The following PHF24 variants were observed in gnomAD, a reference collection of about 807,000 sequenced individuals.
PHF24 encodes PHD finger protein 24.
PHF24 carries 25 observed loss-of-function variants against 42.6 expected under a neutral mutation model. The ratio of observed to expected loss-of-function variants is 0.59; its 90% confidence interval spans 0.43 to 0.82. The LOEUF is 0.82. PHF24 is among the 40% of genes least tolerant of loss of function. PHF24 has a pLI of 0.00. For missense variants in PHF24, 470 were observed against 538.1 expected (o/e 0.87, Z 1.25); for synonymous variants, 185 against 204.8 (o/e 0.90, Z 0.83).
the PHF24 span, among the ~76,000 whole-genome samples, chr9:34,781,830 C>G: frequency 6.6e-6 from 1 of 152,280 alleles, no homozygotes; most frequent in East Asian, 1.9e-4. Flanking sequence ...GTGAATTCCA[C>G]TCTTGCAATC....
the PHF24 span, among the ~76,000 whole-genome samples, chr9:34,933,242 C>G: frequency 6.6e-6 from 1 of 152,080 alleles, no homozygotes; most frequent in Non-Finnish European, 1.5e-5. Context: ...CATCTTTATT[C>G]AAAGTCAGAA....
At chr9:34,918,038 T>A in the PHF24 span, 1 of 1,298,492 alleles carries the variant, frequency 7.7e-7, no homozygotes, top group East Asian at 2.3e-5. Flanking sequence ...TCTGTGCCTG[T>A]GATCCCAAAG....
At chr9:34,826,763 G>A in the PHF24 span, among the ~76,000 whole-genome samples, 1 of 152,158 alleles carries the variant, frequency 6.6e-6, no homozygotes, top group Non-Finnish European at 1.5e-5. Flanking sequence ...TTACCTGAGT[G>A]TGCCAGAGGT....
exon 8 of PHF24, chr9:34,978,147 A>G (rs1827272367): frequency 6.8e-7 from 1 of 1,477,866 alleles, no homozygotes; most frequent in East Asian, 2.3e-5. Context: ...GGACAGTGAC[A>G]TCCTCTCCCT....
the PHF24 span, among the ~76,000 whole-genome samples, chr9:34,698,617 A>C: frequency 1.3e-5 from 2 of 152,078 alleles, no homozygotes; most frequent in Admixed American, 6.6e-5. Context: ...AGTAGCTAGG[A>C]CTGCGGGCAT....
chr9:34,669,598 A>AG, the PHF24 span, among the ~76,000 whole-genome samples: 2 of 151,294 alleles, frequency 1.3e-5, no homozygotes, highest in Admixed American at 6.6e-5. Context: ...CATGAGGGCG[A>AG]GGGAGTCCTT....
the PHF24 span, among the ~76,000 whole-genome samples, chr9:34,704,183 T>C: frequency 6.7e-6 from 1 of 150,204 alleles, no homozygotes; most frequent in East Asian, 2.0e-4. Flanking sequence ...TGTGCCACCG[T>C]GCCTGGCTAA....
At chr9:34,723,399 G>C in the PHF24 span, 1 of 1,551,620 alleles carries the variant, frequency 6.4e-7, no homozygotes, top group Non-Finnish European at 8.7e-7. Flanking sequence ...ACCAGCTTCT[G>C]AGCAGGACGA....
chr9:34,700,450 A>G, the PHF24 span, among the ~76,000 whole-genome samples: 32 of 152,334 alleles, frequency 2.1e-4, no homozygotes, highest in East Asian at 7.7e-4. Context: ...AGCATAGGAT[A>G]TGAGAGAAAG....
chr9:34,714,633 C>A, the PHF24 span, among the ~76,000 whole-genome samples: 5 of 152,130 alleles, frequency 3.3e-5, no homozygotes, highest in African/African-American at 1.2e-4. Context: ...TATTCTGCTC[C>A]CCATCCCACA....
chr9:34,858,713 T>C, the PHF24 span, among the ~76,000 whole-genome samples: 2 of 152,228 alleles, frequency 1.3e-5, no homozygotes, highest in African/African-American at 4.8e-5. Flanking sequence ...TTTAGTTCTT[T>C]GTATTTCTGT....
the PHF24 span, among the ~76,000 whole-genome samples, chr9:34,934,153 G>T: frequency 6.6e-6 from 1 of 152,130 alleles, no homozygotes; most frequent in Non-Finnish European, 1.5e-5. Context: ...ATCACACTGG[G>T]AGTAAGAGAG....
chr9:34,715,154 T>G, the PHF24 span, among the ~76,000 whole-genome samples: 1 of 152,048 alleles, frequency 6.6e-6, no homozygotes, highest in Non-Finnish European at 1.5e-5. Context: ...GGTGGAAACC[T>G]GGCTGGACAA....
exon 8 of PHF24, chr9:34,978,236 T>C: frequency 2.9e-6 from 2 of 692,846 alleles, no homozygotes; most frequent in Non-Finnish European, 5.0e-6. Context: ...TCTTAACTTG[T>C]CACTAAGCTT....
chr9:34,732,268 G>A, the PHF24 span, among the ~76,000 whole-genome samples: 2 of 152,006 alleles, frequency 1.3e-5, no homozygotes, highest in Admixed American at 6.6e-5. Flanking sequence ...AGCATTCATT[G>A]TTACCTGTCT....
the PHF24 span, among the ~76,000 whole-genome samples, chr9:34,817,499 C>T: frequency 1.1e-4 from 16 of 152,316 alleles, no homozygotes; most frequent in Non-Finnish European, 1.9e-4. Flanking sequence ...CCTGCTTTCA[C>T]CTCCCAAAGT....
chr9:34,883,708 G>C, the PHF24 span, among the ~76,000 whole-genome samples: 1 of 152,156 alleles, frequency 6.6e-6, no homozygotes, highest in Non-Finnish European at 1.5e-5. Flanking sequence ...TAAAAAGTCA[G>C]GAAACAACAG....
At chr9:34,711,502 G>A in the PHF24 span, among the ~76,000 whole-genome samples, 1 of 150,398 alleles carries the variant, frequency 6.6e-6, no homozygotes, top group Non-Finnish European at 1.5e-5. Context: ...CAAAGTAATG[G>A]GATTACAAGT....
chr9:34,805,743 C>T, the PHF24 span, among the ~76,000 whole-genome samples: 11 of 152,000 alleles, frequency 7.2e-5, 1 homozygote, highest in South Asian at 8.3e-4. Context: ...TTTTTTCTTT[C>T]GTTGCCTGTG....
Sources: allele counts gnomAD v4.1 joint callset (sites outside exome capture counted in the v4.1 genomes callset), GRCh38; gene constraint gnomAD v4.1.1; transcripts MANE v1.5; gene names NCBI Gene and HGNC (gene_info 2026-07-23, HGNC 2026-07-21).